TENM2: variants seen among roughly 807,000 people sequenced by gnomAD.
TENM2 encodes the protein teneurin-2.
In TENM2, 52 loss-of-function variants were observed where a neutral mutation model predicts 245.2. The ratio of observed to expected loss-of-function variants is 0.21; its 90% CI spans 0.17 to 0.27. The LOEUF is 0.27. Among genes scored for constraint, TENM2 ranks in the 10% least tolerant of loss-of-function variants. The probability of loss-of-function intolerance (pLI) is 1.00; values close to 1 mark genes in which losing one functional copy is unlikely to be tolerated. For missense variants in TENM2, 3,046 were observed against 3,666.8 expected (o/e 0.83, Z 4.37); for synonymous variants, 1,363 against 1,438.9 (o/e 0.95, Z 1.19).
intron 2 of TENM2, among the ~76,000 whole-genome samples, chr5:167,592,906 A>G (rs1216158445): frequency 6.6e-6 from 1 of 152,162 alleles, no homozygotes; most frequent in African/African-American, 2.4e-5. Flanking sequence ...TTCTAGGCAT[A>G]TCATATAAAA....
At chr5:167,404,267 G>A (rs916025744) in intron 2 of TENM2, among the ~76,000 whole-genome samples, 53 of 151,912 alleles carry the variant, frequency 3.5e-4, no homozygotes, top group Non-Finnish European at 4.3e-4. Context: ...TGAAAGGCCC[G>A]TGCAATTGGG....
chr5:167,494,510 G>A (rs79968894), intron 2 of TENM2, among the ~76,000 whole-genome samples: 10 of 152,100 alleles, frequency 6.6e-5, no homozygotes, highest in South Asian at 2.1e-4. Flanking sequence ...TTGCTCATTC[G>A]TCCATTCACT....
intron 2 of TENM2, among the ~76,000 whole-genome samples, chr5:167,597,985 A>G (rs528728181): frequency 6.6e-6 from 1 of 152,302 alleles, no homozygotes; most frequent in East Asian, 1.9e-4. Flanking sequence ...TGAATAACAG[A>G]ATACAACACC....
the TENM2 span, among the ~76,000 whole-genome samples, chr5:167,227,112 A>AT: frequency 7.8e-6 from 1 of 128,574 alleles, no homozygotes; most frequent in East Asian, 2.1e-4. Flanking sequence ...CAGTTGGATA[A>AT]TTTTTTTTAT....
rs147169270 is a variant in TENM2, at chr5:167,595,629, C to T, written c.502+220156C>T. ...AATAAATAGAGAGCCATTTGGATTTCGTTAGTTGTTTAGTATTCCTTTAGC... is the reference window on the plus strand; with the variant it reads ...AATAAATAGAGAGCCATTTGGATTTTGTTAGTTGTTTAGTATTCCTTTAGC... On this transcript the variant is annotated intron_variant, in intron 2 of 28. Transcript: ENST00000518659. Among the ~76,000 whole-genome samples the T allele has an allele frequency of 7.8e-4, 119 of 152,314 alleles. 1 individual carries two copies. Among genetic ancestry groups the T allele is most frequent in the African/African-American group, 2.7e-3 (111 of 41,580 alleles).
At chr5:167,963,932 A>G (rs984949142) in intron 4 of TENM2, among the ~76,000 whole-genome samples, 1 of 152,180 alleles carries the variant, frequency 6.6e-6, no homozygotes, top group African/African-American at 2.4e-5. Context: ...ATGCATATAA[A>G]TTTGTACTAC....
In TENM2 at chr5:168,215,034, C is replaced by T. The variant is rs775432441; in HGVS notation, c.3846-6C>T. Reference sequence around the variant, plus strand: ...CTCATTTCTCTTTGTGCTTCTTCTACTAAAGCAACAACCCAGCACACAAGT... The same window carrying T: ...CTCATTTCTCTTTGTGCTTCTTCTATTAAAGCAACAACCCAGCACACAAGT... On this transcript the variant is annotated splice_polypyrimidine_tract_variant and splice_region_variant and intron_variant, in intron 20 of 28. Transcript: ENST00000518659. 2 of 1,613,292 alleles carry T rather than the reference C, an allele frequency of 1.2e-6. No homozygotes were observed. Among genetic ancestry groups the T allele is most frequent in the Non-Finnish European group, 1.7e-6 (2 of 1,179,482 alleles).
the TENM2 span, among the ~76,000 whole-genome samples, chr5:167,025,821 T>G: frequency 6.6e-6 from 1 of 152,198 alleles, no homozygotes; most frequent in African/African-American, 2.4e-5. Context: ...GTCAAGTTCC[T>G]AGTATAGTGC....
chr5:167,599,418 A>C (rs1225423501), intron 2 of TENM2, among the ~76,000 whole-genome samples: 2 of 152,202 alleles, frequency 1.3e-5, no homozygotes, highest in Non-Finnish European at 2.9e-5. Flanking sequence ...TATAACTCTC[A>C]AGTGCTGTTT....
At chr5:168,093,433 T>C (rs1793108592) in intron 8 of TENM2, among the ~76,000 whole-genome samples, 1 of 152,174 alleles carries the variant, frequency 6.6e-6, no homozygotes, top group Admixed American at 6.6e-5. Context: ...GAACAGTGTT[T>C]TATTTGGTTC....
rs1347063548 is a variant in TENM2 at position 167,579,212 on chromosome 5, A to G, written c.502+203739A>G. 2.0e-5 allele frequency among the ~76,000 whole-genome samples: 3 copies of G among 152,336 alleles called. No homozygotes were observed. The East Asian group carries it at 5.8e-4, about 29-fold the overall frequency. ...TGACTGCATTACAATGGAAGGAAAAAAATAGATCCCAAAGGCTTAGAAATT... is the reference window on the plus strand; with the variant it reads ...TGACTGCATTACAATGGAAGGAAAAGAATAGATCCCAAAGGCTTAGAAATT... On this transcript the variant is annotated intron_variant, in intron 2 of 28. Transcript: ENST00000518659.
At chr5:167,286,241 A>T (rs961879068) in intron 1 of TENM2, among the ~76,000 whole-genome samples, 1 of 152,212 alleles carries the variant, frequency 6.6e-6, no homozygotes, top group Non-Finnish European at 1.5e-5. Context: ...TTCCATTGCC[A>T]TTATAACTCT....
chr5:167,571,101 C>T (rs1774239863), intron 2 of TENM2, among the ~76,000 whole-genome samples: 1 of 152,120 alleles, frequency 6.6e-6, no homozygotes, highest in Non-Finnish European at 1.5e-5. Flanking sequence ...TCCATGTTAT[C>T]CATTTTTAAA....
chr5:167,234,264 G>C, the TENM2 span, among the ~76,000 whole-genome samples: 4 of 152,180 alleles, frequency 2.6e-5, no homozygotes, highest in African/African-American at 9.7e-5. Flanking sequence ...TCTAACGGAA[G>C]TCCTTTTTTT....
chr5:167,243,436 C>G, the TENM2 span, among the ~76,000 whole-genome samples: 3 of 151,908 alleles, frequency 2.0e-5, no homozygotes, highest in South Asian at 2.1e-4. Context: ...TTTAGTGGAG[C>G]AGGGAAGGGA....
chr5:167,495,588 G>A (rs776126472), intron 2 of TENM2, among the ~76,000 whole-genome samples: 26 of 152,034 alleles, frequency 1.7e-4, no homozygotes, highest in Admixed American at 8.5e-4. Flanking sequence ...AGGAAGTGCC[G>A]AATAATTGCT....
chr5:168,135,501 T>A (rs944353777), intron 12 of TENM2, among the ~76,000 whole-genome samples: 1 of 152,188 alleles, frequency 6.6e-6, no homozygotes, highest in Non-Finnish European at 1.5e-5. Flanking sequence ...TTCTTTATCC[T>A]TTTCACCATG....
intron 1 of TENM2, among the ~76,000 whole-genome samples, chr5:167,326,761 A>G (rs1159679795): frequency 1.3e-5 from 2 of 149,762 alleles, no homozygotes; most frequent in Non-Finnish European, 3.0e-5. Flanking sequence ...TTCAGTTTAC[A>G]TATTGGGGAA....
At chr5:167,512,645 C>T (rs975355207) in intron 2 of TENM2, among the ~76,000 whole-genome samples, 1 of 152,286 alleles carries the variant, frequency 6.6e-6, no homozygotes, top group East Asian at 1.9e-4. Flanking sequence ...CTCCTAACTA[C>T]ACCTCTTAGG....
Sources: gnomAD v4.1 joint callset for allele counts (sites outside exome capture counted in the v4.1 genomes callset) on GRCh38, gnomAD v4.1.1 for gene constraint, MANE v1.5 for transcripts, NCBI Gene and HGNC (gene_info 2026-07-23, HGNC 2026-07-21) for gene names.